The following GRID1 variants were observed in gnomAD, a reference collection of about 807,000 sequenced individuals.
GRID1 encodes glutamate receptor ionotropic, delta-1.
A neutral mutation model predicts 98.0 loss-of-function variants in GRID1; 28 were observed. That is an observed-to-expected ratio of 0.29 (90% CI 0.21 to 0.39). The LOEUF is 0.39. Among genes scored for constraint, GRID1 ranks in the 10% least tolerant of loss-of-function variants. GRID1 has a pLI of 1.00. For missense variants in GRID1, 1,111 were observed against 1,340.5 expected (o/e 0.83, Z 2.67); for synonymous variants, 553 against 538.5 (o/e 1.03, Z -0.37).
chr10:86,012,588 T>G (rs923998554), intron 4 of GRID1, among the ~76,000 whole-genome samples: 4 of 151,978 alleles, frequency 2.6e-5, no homozygotes, highest in Non-Finnish European at 5.9e-5. Context: ...AGTGTTTGTG[T>G]CCCCCCCAAA....
At chr10:85,819,054 T>A (rs1842739435) in intron 8 of GRID1, among the ~76,000 whole-genome samples, 2 of 151,862 alleles carry the variant, frequency 1.3e-5, no homozygotes, top group African/African-American at 4.8e-5. Context: ...AAGATTGGCA[T>A]AAAAAAATCC....
chr10:85,871,170 G>A (rs984955632), intron 5 of GRID1, among the ~76,000 whole-genome samples: 4 of 152,150 alleles, frequency 2.6e-5, no homozygotes, highest in African/African-American at 4.8e-5. Context: ...CCTAGCCGAC[G>A]AACATCGCAG....
At chr10:85,898,863 A>G (rs564520747) in intron 5 of GRID1, among the ~76,000 whole-genome samples, 1 of 152,360 alleles carries the variant, frequency 6.6e-6, no homozygotes, top group South Asian at 2.1e-4. Flanking sequence ...AAAATACCAT[A>G]GTAAATATAT....
At chr10:86,039,238 C>A (rs774684165) in intron 4 of GRID1, among the ~76,000 whole-genome samples, 1 of 152,194 alleles carries the variant, frequency 6.6e-6, no homozygotes, top group African/African-American at 2.4e-5. Flanking sequence ...TATTCCTCCA[C>A]CCTCAACCTT....
At chr10:86,275,532 G>A (rs1847256215) in intron 2 of GRID1, among the ~76,000 whole-genome samples, 1 of 151,658 alleles carries the variant, frequency 6.6e-6, no homozygotes, top group Non-Finnish European at 1.5e-5. Context: ...AAAGAAAATT[G>A]GGGAAATTAT....
Position 85,854,027 on chromosome 10 carries a change from C to T in GRID1, c.1233+469G>A, listed in dbSNP as rs75945880. Among the ~76,000 whole-genome samples the T allele has an allele frequency of 2.3e-3, 346 of 152,306 alleles. 1 individual carries two copies. The highest frequency in any genetic ancestry group is 7.6e-3 in the African/African-American group (315 of 41,566). ...CTCTCATTTATCTTTCCGCTGGCCT[C>T]TGGCATTTTCCAATTTCCACCCTCC... On this transcript the variant is annotated intron_variant, in intron 8 of 15. Coordinates refer to ENST00000327946, the MANE Select transcript of GRID1 (RefSeq NM_017551.3).
chr10:86,077,184 G>T (rs915739562), intron 4 of GRID1, among the ~76,000 whole-genome samples: 3 of 136,528 alleles, frequency 2.2e-5, no homozygotes, highest in Admixed American at 7.2e-5. Context: ...TCACTGTGGG[G>T]TGTCATGCTT....
chr10:85,999,693 TATTAA>T (rs1842782682), intron 4 of GRID1, among the ~76,000 whole-genome samples: 1 of 152,154 alleles, frequency 6.6e-6, no homozygotes, highest in South Asian at 2.1e-4. Flanking sequence ...TAATACACTA[TATTAA>T]TAGTCTAAAG....
chr10:86,337,290 G>A (rs1333427262), intron 2 of GRID1, among the ~76,000 whole-genome samples: 2 of 152,196 alleles, frequency 1.3e-5, no homozygotes, highest in Non-Finnish European at 2.9e-5. Context: ...GGCAGGACAG[G>A]ACCAAAGGCT....
chr10:85,634,312 C>A (rs1051708500), intron 13 of GRID1, among the ~76,000 whole-genome samples: 1 of 150,440 alleles, frequency 6.6e-6, no homozygotes, highest in African/African-American at 2.5e-5. Context: ...CACACACACA[C>A]ACAGACTACA....
chr10:85,751,033 T>C (rs1030964129), intron 8 of GRID1, among the ~76,000 whole-genome samples: 21 of 152,082 alleles, frequency 1.4e-4, no homozygotes, highest in Admixed American at 1.3e-4. Flanking sequence ...TTGATAGAAA[T>C]AGAATGTGTT....
intron 4 of GRID1, among the ~76,000 whole-genome samples, chr10:85,952,753 G>C (rs1185419702): frequency 6.6e-6 from 1 of 151,988 alleles, no homozygotes. Flanking sequence ...AATGATCTAG[G>C]CTATTATCTT....
chr10:85,631,944 G>C (rs76490772), intron 13 of GRID1, among the ~76,000 whole-genome samples: 5,040 of 151,992 alleles, frequency 0.033, 125 homozygotes, highest in Non-Finnish European at 0.047. Context: ...CACAGGAAGA[G>C]GACTGTGCAG....
chr10:86,243,826 G>A (rs941183797), intron 2 of GRID1, among the ~76,000 whole-genome samples: 9 of 152,236 alleles, frequency 5.9e-5, no homozygotes, highest in Non-Finnish European at 7.4e-5. Flanking sequence ...AGCACAAGGC[G>A]GGCAGATGTC....
intron 4 of GRID1, among the ~76,000 whole-genome samples, chr10:86,130,774 C>T (rs1844823526): frequency 6.6e-6 from 1 of 152,214 alleles, no homozygotes; most frequent in African/African-American, 2.4e-5. Context: ...CAAGAGGGCG[C>T]TGAGCTGGTT....
At chr10:85,757,843 G>T (rs1481765701) in intron 8 of GRID1, among the ~76,000 whole-genome samples, 2 of 152,220 alleles carry the variant, frequency 1.3e-5, no homozygotes, top group African/African-American at 2.4e-5. Flanking sequence ...AACTAAAAAG[G>T]GTCTGGTACA....
rs116028557 is a variant in GRID1 at position 85,754,739 on chromosome 10, C to T, written c.1234-25125G>A. Among the ~76,000 whole-genome samples, 706 of 152,226 alleles carry T rather than the reference C, an allele frequency of 4.6e-3. 3 individuals are homozygous for T. Among genetic ancestry groups the T allele is most frequent in the African/African-American group, 0.016 (667 of 41,548 alleles). On this transcript the variant is annotated intron_variant, in intron 8 of 15. Transcript: ENST00000327946. The stretch of plus-strand genomic sequence containing the variant: ...GACAACAAGGCATAATAAATAGAGG[C>T]TGGGTTTGGGGGTCAAACTTTGGTT...
intron 15 of GRID1, among the ~76,000 whole-genome samples, chr10:85,607,477 C>T (rs753688731): frequency 2.3e-4 from 35 of 152,196 alleles, no homozygotes; most frequent in Non-Finnish European, 4.1e-4. Flanking sequence ...CCAACCCCAA[C>T]GGGCCGGGCT....
chr10:85,887,700 A>C (rs1841136982), intron 5 of GRID1, among the ~76,000 whole-genome samples: 1 of 152,232 alleles, frequency 6.6e-6, no homozygotes, highest in African/African-American at 2.4e-5. Context: ...CTGATGGTGT[A>C]ACTTGGACAA....
Sources: gnomAD v4.1 joint callset for allele counts (sites outside exome capture counted in the v4.1 genomes callset) on GRCh38, gnomAD v4.1.1 for gene constraint, MANE v1.5 for transcripts, NCBI Gene and HGNC (gene_info 2026-07-23, HGNC 2026-07-21) for gene names.